ZDHHC21: variants seen among roughly 807,000 people sequenced by gnomAD.
ZDHHC21 encodes the protein palmitoyltransferase ZDHHC21.
ZDHHC21 carries 15 observed loss-of-function variants against 34.6 expected under a neutral mutation model. The observed-to-expected ratio is 0.43, with a 90% CI of 0.29 to 0.67. The LOEUF (loss-of-function observed/expected upper bound fraction) is 0.67, where lower values mean the gene tolerates loss of function less well. Among genes scored for constraint, ZDHHC21 ranks in the 30% least tolerant of loss-of-function variants. ZDHHC21 has a pLI of 0.14. For missense variants in ZDHHC21, 344 were observed against 327.7 expected (o/e 1.05, Z -0.38); for synonymous variants, 142 against 101.8 (o/e 1.40, Z -2.38).
chr9:14,649,654 C>T (rs1027637018), intron 7 of ZDHHC21, among the ~76,000 whole-genome samples: 4 of 152,034 alleles, frequency 2.6e-5, no homozygotes, highest in African/African-American at 9.7e-5. Context: ...TTATACCTCC[C>T]TAATGGCTGT....
intron 8 of ZDHHC21, among the ~76,000 whole-genome samples, chr9:14,635,760 T>C (rs1382534602): frequency 2.0e-5 from 3 of 152,018 alleles, no homozygotes; most frequent in Admixed American, 6.5e-5. Context: ...TCTTGGGTGG[T>C]TGAGGCACAA....
At position 14,616,630 on chromosome 9, in the gene ZDHHC21, G is replaced by A. The variant is rs1215046818; in HGVS notation, c.*2336C>T. On this transcript the variant is annotated 3_prime_UTR_variant, in exon 10 of 10. Transcript: ENST00000380916. ...CAAACTGCCAGTTGGTTTTTCTCTA[G>A]TAGTCTAATAAGAATTAACAAAACC... The A allele has an allele frequency of 6.6e-6, 1 of 151,704 alleles. No homozygotes were observed. 9.4% of individuals were successfully genotyped at this position (151,704 alleles called of 1,614,324 possible).
At chr9:14,651,886 T>C (rs1794734234) in intron 7 of ZDHHC21, among the ~76,000 whole-genome samples, 1 of 151,972 alleles carries the variant, frequency 6.6e-6, no homozygotes, top group Non-Finnish European at 1.5e-5. Context: ...ATCCATCTAT[T>C]TTATTCACTT....
chr9:14,687,504 C>G (rs1225354636), intron 2 of ZDHHC21, among the ~76,000 whole-genome samples: 1 of 150,656 alleles, frequency 6.6e-6, no homozygotes, highest in Non-Finnish European at 1.5e-5. Context: ...AACCCCGTCT[C>G]TACCAAAAAT....
chr9:14,661,435 T>G (rs1183502569), intron 6 of ZDHHC21, among the ~76,000 whole-genome samples: 1 of 152,210 alleles, frequency 6.6e-6, no homozygotes, highest in African/African-American at 2.4e-5. Flanking sequence ...ACATAAATAC[T>G]ACATATATGT....
In ZDHHC21 at chr9:14,639,938, T is replaced by C; in HGVS notation, c.579A>G (p.Gly193=). 2 of 1,608,066 alleles carry C rather than the reference T, an allele frequency of 1.2e-6. No homozygotes were observed. The highest frequency in any genetic ancestry group is 1.7e-6 in the Non-Finnish European group (2 of 1,176,582). ...AAFMGITMLV[G]ITGLFYTQLI... Reference sequence around the variant, plus strand: ...GTTGAGTGTAAAAGAGTCCAGTTATTCCAACTAACATAGTAATGCCCATAA... The same window carrying C: ...GTTGAGTGTAAAAGAGTCCAGTTATCCCAACTAACATAGTAATGCCCATAA... Residue 193 remains glycine, a synonymous_variant, in exon 8 of 10, where the codon GGA becomes GGG. Coordinates refer to ENST00000380916, the MANE Select transcript of ZDHHC21 (RefSeq NM_178566.6).
Position 14,639,933 on chromosome 9 carries a change from G to C in ZDHHC21, c.584C>G (p.Thr195Ser). The change falls in exon 8 of 10, where the codon ACT (threonine) becomes AGT (serine). Residue 195 changes from threonine (T) to serine (S), a missense_variant. Physicochemically the swap from Thr to Ser is moderately conservative, Grantham distance 58 (BLOSUM62 1). Coordinates refer to ENST00000380916, the MANE Select transcript of ZDHHC21 (RefSeq NM_178566.6). ...FMGITMLVGI[T>S]GLFYTQLIGI... ...AATTAGTTGAGTGTAAAAGAGTCCA[G>C]TTATTCCAACTAACATAGTAATGCC... 1 of 1,607,080 alleles carries C rather than the reference G, an allele frequency of 6.2e-7. No homozygotes were observed. Among genetic ancestry groups the C allele is most frequent in the Non-Finnish European group, 8.5e-7 (1 of 1,175,964 alleles).
intron 7 of ZDHHC21, among the ~76,000 whole-genome samples, chr9:14,647,653 T>C (rs577974200): frequency 1.4e-5 from 2 of 141,822 alleles, no homozygotes; most frequent in African/African-American, 5.2e-5. Flanking sequence ...CCACAGTCCA[T>C]CATGATAATT....
chr9:14,634,511 G>A (rs969998672), intron 8 of ZDHHC21, among the ~76,000 whole-genome samples: 6 of 152,118 alleles, frequency 3.9e-5, no homozygotes, highest in African/African-American at 7.2e-5. Flanking sequence ...TGGCAACCCG[G>A]TCCCTAGCAA....
intron 5 of ZDHHC21, among the ~76,000 whole-genome samples, chr9:14,664,161 G>T (rs560734707): frequency 0.032 from 4,807 of 151,760 alleles, 238 homozygotes; most frequent in African/African-American, 0.11. Flanking sequence ...CGCACCGTGC[G>T]CGAGCCGAAG....
chr9:14,685,945 T>C (rs971633715), intron 2 of ZDHHC21, among the ~76,000 whole-genome samples: 2 of 151,652 alleles, frequency 1.3e-5, no homozygotes, highest in African/African-American at 4.9e-5. Flanking sequence ...CTCAGCAAAC[T>C]ATTACAAGGA....
In ZDHHC21 at chr9:14,665,224, G is replaced by T. The variant is rs546877952; in HGVS notation, c.254-2898C>A. ...ATGCAGAAGCCTCAGGAGCCGATGCGATCAACTGGAAGAAAGGGTATCAGC... is the reference window on the plus strand; with the variant it reads ...ATGCAGAAGCCTCAGGAGCCGATGCTATCAACTGGAAGAAAGGGTATCAGC... On this transcript the variant is annotated intron_variant, in intron 5 of 9. Coordinates refer to ENST00000380916, the MANE Select transcript of ZDHHC21 (RefSeq NM_178566.6). Among the ~76,000 whole-genome samples the T allele has an allele frequency of 1.8e-4, 24 of 134,588 alleles. No individual in the cohort carries two copies. The East Asian group carries it at 1.9e-3, about 11-fold the overall frequency. 88.3% of individuals were successfully genotyped at this position (134,588 alleles called of 152,430 possible).
intron 7 of ZDHHC21, among the ~76,000 whole-genome samples, chr9:14,652,436 G>C (rs1041946361): frequency 6.6e-6 from 1 of 151,858 alleles, no homozygotes; most frequent in African/African-American, 2.4e-5. Flanking sequence ...ATAAATTCAA[G>C]TATTTCCTCA....
At chr9:14,650,947 A>G (rs915955174) in intron 7 of ZDHHC21, among the ~76,000 whole-genome samples, 2 of 151,984 alleles carry the variant, frequency 1.3e-5, no homozygotes, top group Admixed American at 1.3e-4. Flanking sequence ...AAAAATAAGT[A>G]TACAACAATT....
At chr9:14,675,045 A>T (rs1461671873) in intron 3 of ZDHHC21, among the ~76,000 whole-genome samples, 1 of 152,020 alleles carries the variant, frequency 6.6e-6, no homozygotes, top group South Asian at 2.1e-4. Flanking sequence ...GTGAAAACTA[A>T]TTACAAATTG....
intron 6 of ZDHHC21, among the ~76,000 whole-genome samples, chr9:14,660,818 A>G (rs546028443): frequency 5.3e-5 from 8 of 151,172 alleles, no homozygotes; most frequent in Admixed American, 2.6e-4. Context: ...CATTCGTTTG[A>G]AAAAAAAAGC....
At chr9:14,674,864 T>C (rs1310852195) in intron 3 of ZDHHC21, among the ~76,000 whole-genome samples, 2 of 151,976 alleles carry the variant, frequency 1.3e-5, no homozygotes, top group African/African-American at 4.8e-5. Flanking sequence ...AAAAGGAACA[T>C]GAGAGAACGA....
chr9:14,613,229 AGTAACAT>A lies in ZDHHC21; in HGVS notation c.*5730_*5736del, dbSNP rs1823616894. On this transcript the variant is annotated 3_prime_UTR_variant, in exon 10 of 10. Transcript: ENST00000380916. ...AAGATCTGTTAATCAAACTGTTCTT[AGTAACAT>A]TAAATTCTACTTTATAAATACACAA... The A allele has an allele frequency of 1.3e-5, 2 of 151,938 alleles. No individual in the cohort carries two copies. The highest frequency in any genetic ancestry group is 2.9e-5 in the Non-Finnish European group (2 of 67,868). 9.4% of individuals were successfully genotyped at this position (151,938 alleles called of 1,614,324 possible). A position where few individuals can be genotyped will look rare whatever the true frequency, so the allele number is the denominator to read the frequency against.
At chr9:14,661,988 T>C (rs1268038796) in intron 6 of ZDHHC21, among the ~76,000 whole-genome samples, 1 of 148,888 alleles carries the variant, frequency 6.7e-6, no homozygotes, top group African/African-American at 2.5e-5. Flanking sequence ...CTGCAGTTAA[T>C]TCTTACTTTT....
Sources: gnomAD v4.1 joint callset for allele counts (sites outside exome capture counted in the v4.1 genomes callset) on GRCh38, gnomAD v4.1.1 for gene constraint, MANE v1.5 for transcripts, NCBI Gene and HGNC (gene_info 2026-07-23, HGNC 2026-07-21) for gene names.